Variants in CPM observed in about 807,000 individuals in gnomAD.
CPM encodes the protein carboxypeptidase M, also known as renal carboxypeptidase.
Under a neutral mutation model 46.4 loss-of-function variants are expected in CPM, and 35 were observed. The ratio of observed to expected loss-of-function variants is 0.75; its 90% CI spans 0.58 to 1.00. The LOEUF is 1.00. Among genes scored for constraint, CPM ranks in the 50% least tolerant of loss-of-function variants. CPM has a pLI of 0.00. For synonymous variants in CPM, 195 were observed against 195.3 expected, an observed-to-expected ratio of 1.00 and a Z score of 0.01; for missense variants, 422 against 530.4, an observed-to-expected ratio of 0.80 and a Z score of 2.01.
At chr12:68,873,411 C>T (rs1885797388) in intron 3 of CPM, among the ~76,000 whole-genome samples, 1 of 152,144 alleles carries the variant, frequency 6.6e-6, no homozygotes, top group African/African-American at 2.4e-5. Flanking sequence ...GTGGCAGTGG[C>T]TCATGCCTGT....
At chr12:68,851,013 A>G (rs190786044), downstream of CPM, among the ~76,000 whole-genome samples, 2 of 152,224 alleles carry the variant, frequency 1.3e-5, no homozygotes, top group Admixed American at 1.3e-4. Flanking sequence ...TGGAAGAACT[A>G]TCTGGACTTT....
intron 3 of CPM, among the ~76,000 whole-genome samples, chr12:68,883,933 T>TAAA (rs34696352): frequency 7.3e-6 from 1 of 136,656 alleles, no homozygotes. Flanking sequence ...CCATCTCTAC[T>TAAA]AAAAAAAAAA....
chr12:68,928,513 A>G (rs1161479623), intron 2 of CPM, among the ~76,000 whole-genome samples: 1 of 152,212 alleles, frequency 6.6e-6, no homozygotes, highest in African/African-American at 2.4e-5. Flanking sequence ...TCTGTGCCTC[A>G]TTTTACCTGT....
downstream of CPM, chr12:68,847,368 A>G (rs1419332742): frequency 6.8e-6 from 1 of 146,412 alleles, no homozygotes; most frequent in East Asian, 2.0e-4. Flanking sequence ...TATACACTCA[A>G]CTCTGAGGTA....
rs1347805300 is a variant in CPM at position 68,856,523 on chromosome 12, A to G, written c.1246T>C (p.Tyr416His). The G allele has an allele frequency of 1.2e-6, 2 of 1,614,086 alleles. No individual in the cohort carries two copies. Among genetic ancestry groups the G allele is most frequent in the African/African-American group, 1.3e-5 (1 of 74,944 alleles). Reference protein sequence around the residue: ...SNPSCPMIPLYRNLPDHSAAT... With the variant: ...SNPSCPMIPLHRNLPDHSAAT... ...GCTGAGTGGTCTGGCAAATTTCTGT[A>G]TAGAGGAATCATTGGGCATGAAGGA... The change falls in exon 9 of 9, where the codon TAC (tyrosine) becomes CAC (histidine). Residue 416 changes from tyrosine to histidine, a missense_variant. Transcript: ENST00000551568.
intron 2 of CPM, among the ~76,000 whole-genome samples, chr12:68,923,207 GTGTGTGT>G (rs1888113891): frequency 7.3e-6 from 1 of 137,076 alleles, no homozygotes; most frequent in African/African-American, 2.8e-5. Flanking sequence ...GTGTGTGTGT[GTGTGTGT>G]TTTGAGTAAT....
intron 1 of CPM, among the ~76,000 whole-genome samples, chr12:68,942,934 C>A (rs1888787510): frequency 6.6e-6 from 1 of 152,154 alleles, no homozygotes; most frequent in Admixed American, 6.5e-5. Flanking sequence ...CAGGAAAAAT[C>A]TAAACGTTTG....
intron 8 of CPM, among the ~76,000 whole-genome samples, chr12:68,857,327 AT>A (rs1171892740): frequency 6.6e-6 from 1 of 151,530 alleles, no homozygotes; most frequent in African/African-American, 2.4e-5. Context: ...TGCCCAGGTA[AT>A]TTTTTGTATT....
chr12:68,850,557 A>G (rs1306480900), downstream of CPM: 1 of 152,230 alleles, frequency 6.6e-6, no homozygotes, highest in East Asian at 1.9e-4. Flanking sequence ...TCCTATGACT[A>G]AGTCGATATT....
chr12:68,870,537 C>T (rs752251079), intron 4 of CPM, 138 bp from the exon 5 acceptor site: 136 of 693,782 alleles, frequency 2.0e-4, no homozygotes, highest in Non-Finnish European at 3.1e-4. Context: ...GCCCTTGTGG[C>T]CTGCCATGAC....
At chr12:68,935,115 G>A (rs1423696246), upstream of CPM, among the ~76,000 whole-genome samples, 2 of 152,050 alleles carry the variant, frequency 1.3e-5, no homozygotes, top group Non-Finnish European at 2.9e-5. Flanking sequence ...TCACCATGTT[G>A]GCCAGGCTGG....
chr12:68,946,993 G>A (rs1192503016), intron 1 of CPM, among the ~76,000 whole-genome samples: 1 of 152,214 alleles, frequency 6.6e-6, no homozygotes, highest in Non-Finnish European at 1.5e-5. Context: ...TGTTTGCTCA[G>A]TCCATGCAAA....
At chr12:68,935,836 G>T (rs961491063), upstream of CPM, among the ~76,000 whole-genome samples, 8 of 152,144 alleles carry the variant, frequency 5.3e-5, no homozygotes, top group African/African-American at 1.9e-4. Context: ...AAGGCTTGCT[G>T]ATGTACCTTA....
chr12:68,927,373 T>G (rs905562896), intron 2 of CPM, among the ~76,000 whole-genome samples: 5 of 152,130 alleles, frequency 3.3e-5, no homozygotes, highest in Non-Finnish European at 5.9e-5. Context: ...TTTTGAGAAG[T>G]GTCTGTTCAT....
intron 2 of CPM, among the ~76,000 whole-genome samples, chr12:68,931,494 T>C (rs1888497199): frequency 6.6e-6 from 1 of 151,910 alleles, no homozygotes; most frequent in Non-Finnish European, 1.5e-5. Context: ...CCTGTAATCC[T>C]AGCACTTTGG....
chr12:68,925,490 T>C (rs933210290), intron 2 of CPM, among the ~76,000 whole-genome samples: 9 of 152,190 alleles, frequency 5.9e-5, no homozygotes, highest in African/African-American at 1.4e-4. Context: ...AGCGAAAGTT[T>C]AGAAACAAAC....
chr12:68,929,313 TTAAA>T (rs1359436389), intron 2 of CPM, among the ~76,000 whole-genome samples: 3 of 152,160 alleles, frequency 2.0e-5, no homozygotes, highest in South Asian at 2.1e-4. Flanking sequence ...ATTTGATCCA[TTAAA>T]TAAATAGATA....
At chr12:68,932,482 T>A (rs1432703900) in intron 2 of CPM, among the ~76,000 whole-genome samples, 196 bp downstream of exon 2, 2 of 152,266 alleles carry the variant, frequency 1.3e-5, no homozygotes, top group African/African-American at 4.8e-5. Context: ...AATGGACAAG[T>A]CCAGTAAAAT....
chr12:68,866,939 ATTATTCCAAAAGG>A lies in CPM; in HGVS notation c.884_896del (p.Ser295LeufsTer6), dbSNP rs1885477400. The stretch of plus-strand genomic sequence containing the variant: ...TATATTCAATTAATGAGGCTTTGTT[ATTATTCCAAAAGG>A]ATGGAAGCTTCTCCTCACGAGGATA... On this transcript the variant is annotated frameshift_variant, in exon 7 of 9. Transcript: ENST00000551568. LOFTEE classifies it high-confidence loss of function. 6.2e-7 allele frequency: 1 copy of A among 1,614,020 alleles called. No individual in the cohort carries two copies. The highest frequency in any genetic ancestry group is 1.7e-5 in the Admixed American group (1 of 59,992).
Sources: gnomAD v4.1 joint callset for allele counts (sites outside exome capture counted in the v4.1 genomes callset) on GRCh38, gnomAD v4.1.1 for gene constraint, MANE v1.5 for transcripts, NCBI Gene and HGNC (gene_info 2026-07-23, HGNC 2026-07-21) for gene names.